Variants in MBOAT2 observed in about 807,000 individuals in gnomAD.
The protein encoded by MBOAT2 is membrane-bound glycerophospholipid O-acyltransferase 2.
A neutral mutation model predicts 63.4 loss-of-function variants in MBOAT2; 28 were observed. The ratio of observed to expected loss-of-function variants is 0.44; its 90% confidence interval spans 0.33 to 0.61. The LOEUF (loss-of-function observed/expected upper bound fraction) is 0.61, where lower values mean the gene tolerates loss of function less well. MBOAT2 is among the 20% of genes least tolerant of loss of function. The probability of loss-of-function intolerance (pLI) is 0.03; values close to 1 mark genes in which losing one functional copy is unlikely to be tolerated. For missense variants in MBOAT2, 470 were observed against 605.8 expected (o/e 0.78, Z 2.35); for synonymous variants, 211 against 215.6 (o/e 0.98, Z 0.19).
At chr2:8,912,126 C>T (rs1456630026) in intron 3 of MBOAT2, among the ~76,000 whole-genome samples, 1 of 151,866 alleles carries the variant, frequency 6.6e-6, no homozygotes, top group East Asian at 1.9e-4. Context: ...AAACCCACAG[C>T]CAACATAATA....
chr2:8,931,088 G>C (rs1667286649), intron 3 of MBOAT2, among the ~76,000 whole-genome samples: 1 of 152,130 alleles, frequency 6.6e-6, no homozygotes, highest in African/African-American at 2.4e-5. Flanking sequence ...TCTGGTTCTA[G>C]ATCTTTGAGG....
intron 1 of MBOAT2, among the ~76,000 whole-genome samples, chr2:8,986,061 T>A (rs1671543088): frequency 6.6e-6 from 1 of 152,122 alleles, no homozygotes; most frequent in Admixed American, 6.5e-5. Flanking sequence ...ACCCTTGGAA[T>A]GATGTGATGA....
intron 1 of MBOAT2, among the ~76,000 whole-genome samples, chr2:8,997,129 G>T (rs995665319): frequency 2.0e-5 from 3 of 152,180 alleles, no homozygotes; most frequent in Non-Finnish European, 4.4e-5. Context: ...ATCACCCATA[G>T]CACGCATAAA....
At chr2:8,936,989 G>T (rs1226147554) in intron 3 of MBOAT2, among the ~76,000 whole-genome samples, 1 of 152,104 alleles carries the variant, frequency 6.6e-6, no homozygotes, top group Non-Finnish European at 1.5e-5. Flanking sequence ...AATTAGGTAC[G>T]CCTGAAACAC....
intron 1 of MBOAT2, among the ~76,000 whole-genome samples, chr2:8,998,615 G>A (rs926205747): frequency 6.6e-6 from 1 of 151,086 alleles, no homozygotes; most frequent in African/African-American, 2.4e-5. Context: ...AGAGCGGGGG[G>A]CGGGGGTTGG....
At chr2:8,960,891 T>C (rs1234012691) in intron 1 of MBOAT2, among the ~76,000 whole-genome samples, 2 of 152,206 alleles carry the variant, frequency 1.3e-5, no homozygotes, top group Middle Eastern at 6.8e-3. Flanking sequence ...GAAAGGGCAT[T>C]GTAAGGAAGA....
rs1403823104 is a variant in MBOAT2, at chr2:8,873,198, G to GA, written c.792dup (p.Gln265SerfsTer32). The stretch of plus-strand genomic sequence containing the variant: ...TTTGTTGGCCACGAAGCTGTAGCTT[G>GA]AAAATGCTCATCAATGTTGTACTCC... On this transcript the variant is annotated frameshift_variant, in exon 8 of 13. Transcript: ENST00000305997. LOFTEE classifies it high-confidence loss of function. 6.2e-7 allele frequency: 1 copy of GA among 1,614,082 alleles called. No individual in the cohort carries two copies. Among genetic ancestry groups the GA allele is most frequent in the African/African-American group, 1.3e-5 (1 of 74,942 alleles).
intron 1 of MBOAT2, among the ~76,000 whole-genome samples, chr2:8,982,465 T>C (rs139652373): frequency 3.3e-5 from 5 of 152,208 alleles, no homozygotes; most frequent in Admixed American, 2.0e-4. Flanking sequence ...TTGGTCAGAG[T>C]AACTTCTTCT....
At chr2:8,906,773 G>A (rs547045542) in intron 4 of MBOAT2, among the ~76,000 whole-genome samples, 6 of 152,262 alleles carry the variant, frequency 3.9e-5, no homozygotes, top group Non-Finnish European at 5.9e-5. Context: ...CAAATCTATA[G>A]TAACACCAAT....
intron 1 of MBOAT2, among the ~76,000 whole-genome samples, chr2:8,970,040 T>C (rs954271004): frequency 9.2e-5 from 14 of 152,134 alleles, no homozygotes; most frequent in Non-Finnish European, 4.4e-5. Flanking sequence ...CTAACAGAAC[T>C]CTCCACCCCA....
intron 4 of MBOAT2, among the ~76,000 whole-genome samples, chr2:8,901,540 GC>G (rs1169256520): frequency 6.6e-6 from 1 of 152,148 alleles, no homozygotes; most frequent in Non-Finnish European, 1.5e-5. Context: ...GAAGTGGAGG[GC>G]CATACCCTGA....
intron 4 of MBOAT2, among the ~76,000 whole-genome samples, chr2:8,894,805 C>T (rs1664307088): frequency 6.6e-6 from 1 of 152,200 alleles, no homozygotes; most frequent in South Asian, 2.1e-4. Context: ...CGTGGTCTTG[C>T]TGACTTCAGG....
At chr2:8,977,809 C>G (rs529035419) in intron 1 of MBOAT2, among the ~76,000 whole-genome samples, 2 of 152,198 alleles carry the variant, frequency 1.3e-5, no homozygotes, top group South Asian at 4.2e-4. Flanking sequence ...CCAAGTTGAC[C>G]CATGTGAGTA....
intron 4 of MBOAT2, among the ~76,000 whole-genome samples, chr2:8,889,814 A>T (rs186358257): frequency 1.3e-5 from 2 of 152,208 alleles, no homozygotes; most frequent in Non-Finnish European, 2.9e-5. Flanking sequence ...CATAGACAAG[A>T]TGTTAAAAAA....
chr2:8,925,961 T>C (rs1038272298), intron 3 of MBOAT2, among the ~76,000 whole-genome samples: 1 of 152,188 alleles, frequency 6.6e-6, no homozygotes, highest in Non-Finnish European at 1.5e-5. Flanking sequence ...TCTTACGAAG[T>C]AAGTGTTATT....
At chr2:8,995,951 T>G (rs1390098853) in intron 1 of MBOAT2, among the ~76,000 whole-genome samples, 1 of 152,208 alleles carries the variant, frequency 6.6e-6, no homozygotes, top group Non-Finnish European at 1.5e-5. Flanking sequence ...GGCCCAAGTC[T>G]GTTATCTGTG....
At chr2:8,972,085 G>T (rs1238798627) in intron 1 of MBOAT2, among the ~76,000 whole-genome samples, 2 of 152,126 alleles carry the variant, frequency 1.3e-5, no homozygotes, top group African/African-American at 4.8e-5. Flanking sequence ...AAAGAATAAA[G>T]CTGGAGGCAT....
chr2:8,944,988 A>G (rs1473452902), intron 2 of MBOAT2, among the ~76,000 whole-genome samples: 1 of 152,162 alleles, frequency 6.6e-6, no homozygotes, highest in Admixed American at 6.5e-5. Flanking sequence ...TCTTGGGGGA[A>G]AAAAGTGTTC....
At chr2:8,977,904 G>A (rs1670932098) in intron 1 of MBOAT2, among the ~76,000 whole-genome samples, 3 of 152,070 alleles carry the variant, frequency 2.0e-5, no homozygotes, top group African/African-American at 7.2e-5. Flanking sequence ...CCATGCTTCA[G>A]TTCCTTAGCT....
Sources: allele counts gnomAD v4.1 joint callset (sites outside exome capture counted in the v4.1 genomes callset), GRCh38; gene constraint gnomAD v4.1.1; transcripts MANE v1.5; gene names NCBI Gene and HGNC (gene_info 2026-07-23, HGNC 2026-07-21).